Variants in B4GALT6 observed in about 807,000 individuals in gnomAD.
The protein encoded by B4GALT6 is beta-1,4-galactosyltransferase 6.
Under a neutral mutation model 46.3 loss-of-function variants are expected in B4GALT6, and 14 were observed. The observed-to-expected ratio is 0.30, with a 90% CI of 0.20 to 0.47. The LOEUF (loss-of-function observed/expected upper bound fraction) is 0.47. B4GALT6 is among the 20% of genes least tolerant of loss of function. B4GALT6 has a pLI of 0.99. For synonymous variants in B4GALT6, 168 were observed against 162.0 expected (o/e 1.04, Z -0.28); for missense variants, 386 against 480.1 (o/e 0.80, Z 1.83).
Position 31,661,089 on chromosome 18 carries a change from G to A in B4GALT6, c.233-3000C>T, listed in dbSNP as rs1217983784. ...AATTGGGGGGAAAAAGAGTTAACAA[G>A]TAACATCAACAAAAATAAACAGATC... On this transcript the variant is annotated intron_variant, in intron 2 of 8. Coordinates refer to ENST00000306851, the MANE Select transcript of B4GALT6 (RefSeq NM_004775.5). Among the ~76,000 whole-genome samples the A allele has an allele frequency of 2.0e-5, 3 of 152,052 alleles. No homozygotes were observed. The East Asian group carries it at 5.8e-4, about 29-fold the overall frequency.
At chr18:31,650,165 G>C (rs1451466211) in intron 3 of B4GALT6, among the ~76,000 whole-genome samples, 1 of 152,112 alleles carries the variant, frequency 6.6e-6, no homozygotes, top group African/African-American at 2.4e-5. Flanking sequence ...AGTCCTCTCT[G>C]CTATATCCAC....
chr18:31,674,436 A>T (rs2074393223), intron 1 of B4GALT6, among the ~76,000 whole-genome samples: 1 of 152,256 alleles, frequency 6.6e-6, no homozygotes, highest in Non-Finnish European at 1.5e-5. Flanking sequence ...GAAAGCCAGA[A>T]GAGATCCTTA....
intron 2 of B4GALT6, among the ~76,000 whole-genome samples, chr18:31,662,368 G>T (rs1438666601): frequency 6.6e-6 from 1 of 152,100 alleles, no homozygotes. Context: ...TGTGTATATA[G>T]TCTATCCGCC....
rs1598858663 is a variant in B4GALT6, at chr18:31,625,638, C to T, written c.1125G>A (p.Glu375=). The change falls in exon 9 of 9, where the codon GAG becomes GAA. Residue 375 remains glutamate, a synonymous_variant. Coordinates refer to ENST00000306851, the MANE Select transcript of B4GALT6 (RefSeq NM_004775.5). The part of the protein sequence containing the change: ...YTNISVNLMP[E]LAPIEDY The stretch of plus-strand genomic sequence containing the variant: ...TTTAATAGTCTTCGATTGGAGCTAA[C>T]TCTGGCATGAGGTTTACAGATATGT... 1 of 1,613,328 alleles carries T rather than the reference C, an allele frequency of 6.2e-7. No homozygotes were observed.
At chr18:31,652,464 C>T (rs1319141037) in intron 3 of B4GALT6, among the ~76,000 whole-genome samples, 3 of 152,092 alleles carry the variant, frequency 2.0e-5, no homozygotes, top group African/African-American at 7.2e-5. Flanking sequence ...TTCCTGTCTC[C>T]CCTTCTTCTG....
intron 3 of B4GALT6, among the ~76,000 whole-genome samples, chr18:31,649,575 CA>C (rs66578099): frequency 0.078 from 7,942 of 102,306 alleles, 230 homozygotes; most frequent in African/African-American, 0.11. Flanking sequence ...AAAAAATGAG[CA>C]AAAAAAAAAA....
Position 31,622,600 on chromosome 18 carries a change from T to A in B4GALT6, c.*3014A>T, listed in dbSNP as rs898665778. Reference sequence around the variant, plus strand: ...GGAAGCCTCCAGAAAGAGAATATTGTATTGGACATTTTTCCATTTTGTTTT... The same window carrying A: ...GGAAGCCTCCAGAAAGAGAATATTGAATTGGACATTTTTCCATTTTGTTTT... On this transcript the variant is annotated 3_prime_UTR_variant, in exon 9 of 9. Coordinates refer to ENST00000306851, the MANE Select transcript of B4GALT6 (RefSeq NM_004775.5). 4.6e-5 allele frequency: 7 copies of A among 152,028 alleles called. No homozygotes were observed. Among genetic ancestry groups the A allele is most frequent in the African/African-American group, 1.7e-4 (7 of 41,436 alleles). 9.4% of individuals were successfully genotyped at this position (152,028 alleles called of 1,614,324 possible).
At chr18:31,644,127 TATAAA>T (rs1158985680) in intron 4 of B4GALT6, among the ~76,000 whole-genome samples, 3 of 152,220 alleles carry the variant, frequency 2.0e-5, no homozygotes, top group Admixed American at 6.5e-5. Context: ...GTAAGGTAAT[TATAAA>T]ATTAAATGTT....
intron 3 of B4GALT6, among the ~76,000 whole-genome samples, chr18:31,647,460 G>A (rs984023878): frequency 6.6e-6 from 1 of 152,018 alleles, no homozygotes; most frequent in Non-Finnish European, 1.5e-5. Flanking sequence ...CACTCCTCGG[G>A]GTTGTGCACC....
At chr18:31,647,993 C>T (rs915774111) in intron 3 of B4GALT6, among the ~76,000 whole-genome samples, 28 of 152,078 alleles carry the variant, frequency 1.8e-4, no homozygotes, top group African/African-American at 6.5e-4. Context: ...AAAAACAAAA[C>T]AAAAGGCATC....
At chr18:31,710,284 A>G in the B4GALT6 span, among the ~76,000 whole-genome samples, 3 of 152,190 alleles carry the variant, frequency 2.0e-5, no homozygotes, top group African/African-American at 7.2e-5. Context: ...ATTGATATAA[A>G]TAAGAAATTC....
chr18:31,629,663 C>T (rs1372483230), intron 6 of B4GALT6, among the ~76,000 whole-genome samples: 1 of 149,932 alleles, frequency 6.7e-6, no homozygotes, highest in Non-Finnish European at 1.5e-5. Flanking sequence ...TCTTGGCTAA[C>T]ACAGTGAAAC....
intron 4 of B4GALT6, among the ~76,000 whole-genome samples, chr18:31,644,158 C>G (rs1205543905): frequency 6.6e-6 from 1 of 152,168 alleles, no homozygotes; most frequent in Non-Finnish European, 1.5e-5. Flanking sequence ...AAAATTGGTA[C>G]TGGAATCCAT....
Position 31,623,083 on chromosome 18 carries a change from C to T in B4GALT6, c.*2531G>A, listed in dbSNP as rs2073638481. ...TTTGTTTAGAAATGAAGTAATAATACTCCTTCCATAGACATACCTAGCATT... is the reference window on the plus strand; with the variant it reads ...TTTGTTTAGAAATGAAGTAATAATATTCCTTCCATAGACATACCTAGCATT... On this transcript the variant is annotated 3_prime_UTR_variant, in exon 9 of 9. Transcript: ENST00000306851. 1 of 152,056 alleles carries T rather than the reference C, an allele frequency of 6.6e-6. No homozygotes were observed. The highest frequency in any genetic ancestry group is 1.5e-5 in the Non-Finnish European group (1 of 67,914). 9.4% of individuals were successfully genotyped at this position (152,056 alleles called of 1,614,324 possible).
intron 2 of B4GALT6, among the ~76,000 whole-genome samples, chr18:31,659,479 G>A (rs2074185071): frequency 1.3e-5 from 2 of 152,198 alleles, no homozygotes; most frequent in Admixed American, 1.3e-4. Context: ...GCTAAGCAGA[G>A]GGTGTTGGGA....
chr18:31,627,956 C>T (rs2073722572), intron 6 of B4GALT6, among the ~76,000 whole-genome samples: 1 of 152,168 alleles, frequency 6.6e-6, no homozygotes, highest in Admixed American at 6.5e-5. Flanking sequence ...ATGCACAGCA[C>T]CCAAAAATCA....
At chr18:31,656,366 C>A (rs1397585041) in intron 3 of B4GALT6, among the ~76,000 whole-genome samples, 2 of 151,862 alleles carry the variant, frequency 1.3e-5, no homozygotes, top group Non-Finnish European at 2.9e-5. Flanking sequence ...AAGATACAAA[C>A]CTATATGTAC....
upstream of B4GALT6, chr18:31,684,817 T>G (rs1328566551): frequency 2.0e-6 from 2 of 1,003,810 alleles, no homozygotes; most frequent in Non-Finnish European, 2.4e-6. Flanking sequence ...GCGGCGCCCC[T>G]GCGGAGAGGG....
chr18:31,665,197 T>A (rs1460213734), intron 2 of B4GALT6, among the ~76,000 whole-genome samples: 5 of 152,196 alleles, frequency 3.3e-5, no homozygotes, highest in Non-Finnish European at 7.4e-5. Flanking sequence ...AAATCTTTAT[T>A]TTTAACTGTT....
Sources: gnomAD v4.1 joint callset for allele counts (sites outside exome capture counted in the v4.1 genomes callset) on GRCh38, gnomAD v4.1.1 for gene constraint, MANE v1.5 for transcripts, NCBI Gene and HGNC (gene_info 2026-07-23, HGNC 2026-07-21) for gene names.